CTNNA3: variants seen among roughly 807,000 people sequenced by gnomAD.
CTNNA3 encodes catenin alpha 3.
Under a neutral mutation model 95.7 loss-of-function variants are expected in CTNNA3, and 76 were observed. The ratio of observed to expected loss-of-function variants is 0.79; its 90% CI spans 0.66 to 0.96. The LOEUF (loss-of-function observed/expected upper bound fraction) is 0.96, where lower values mean the gene tolerates loss of function less well. Among genes scored for constraint, CTNNA3 ranks in the 40% least tolerant of loss-of-function variants. The pLI is 0.00. For synonymous variants in CTNNA3, 431 were observed against 374.4 expected, an observed-to-expected ratio of 1.15 and a Z score of -1.74; for missense variants, 1,191 against 1,089.8, an observed-to-expected ratio of 1.09 and a Z score of -1.31.
intron 9 of CTNNA3, among the ~76,000 whole-genome samples, chr10:66,632,491 G>A (rs886258817): frequency 1.3e-5 from 2 of 148,340 alleles, no homozygotes; most frequent in African/African-American, 5.0e-5. Context: ...GGAGGCAGAG[G>A]TTGAAGTGAG....
At chr10:67,002,971 C>T (rs1438066215) in intron 7 of CTNNA3, among the ~76,000 whole-genome samples, 1 of 151,960 alleles carries the variant, frequency 6.6e-6, no homozygotes, top group South Asian at 2.1e-4. Flanking sequence ...TTGTGGCTGC[C>T]GAATAAAATA....
At chr10:67,548,789 A>G (rs187333849) in intron 3 of CTNNA3, among the ~76,000 whole-genome samples, 245 of 151,098 alleles carry the variant, frequency 1.6e-3, no homozygotes, top group African/African-American at 5.3e-3. Context: ...TTGGACTCCA[A>G]AAAAAAAATC....
chr10:66,048,675 G>A (rs1371319521), intron 15 of CTNNA3, among the ~76,000 whole-genome samples: 3 of 152,044 alleles, frequency 2.0e-5, no homozygotes, highest in African/African-American at 7.2e-5. Context: ...GCAGGAGAAT[G>A]GCATGAACCT....
intron 9 of CTNNA3, among the ~76,000 whole-genome samples, chr10:66,657,193 C>A (rs1846100102): frequency 6.6e-6 from 1 of 152,072 alleles, no homozygotes; most frequent in Admixed American, 6.5e-5. Context: ...TTTTATTTGA[C>A]ATTGTAATCT....
chr10:67,403,804 C>A (rs1260690525), intron 5 of CTNNA3, among the ~76,000 whole-genome samples: 1 of 152,206 alleles, frequency 6.6e-6, no homozygotes, highest in Admixed American at 6.5e-5. Flanking sequence ...CCTATGGGTG[C>A]ATTCAGGCTG....
At chr10:67,297,888 G>A (rs969537488) in intron 5 of CTNNA3, among the ~76,000 whole-genome samples, 4 of 152,220 alleles carry the variant, frequency 2.6e-5, no homozygotes, top group Non-Finnish European at 4.4e-5. Flanking sequence ...GAAAATAGTT[G>A]TTGGCAGATA....
intron 9 of CTNNA3, among the ~76,000 whole-genome samples, chr10:66,640,811 A>T (rs2394261): frequency 0.67 from 101,171 of 151,866 alleles, 34,670 homozygotes; most frequent in East Asian, 0.95. Context: ...TCTCCTCCCA[A>T]CTGGGATGCA....
chr10:66,862,677 T>C (rs1034998057), intron 7 of CTNNA3, among the ~76,000 whole-genome samples: 5 of 152,164 alleles, frequency 3.3e-5, no homozygotes, highest in African/African-American at 9.7e-5. Context: ...AGGACAGTAG[T>C]AAAAGATGAA....
chr10:66,005,666 A>G (rs898112220), intron 15 of CTNNA3, among the ~76,000 whole-genome samples: 1 of 152,118 alleles, frequency 6.6e-6, no homozygotes, highest in Non-Finnish European at 1.5e-5. Context: ...TCCTGGTGTT[A>G]CACATTATAT....
intron 15 of CTNNA3, among the ~76,000 whole-genome samples, chr10:66,068,202 A>G (rs964931565): frequency 6.6e-6 from 1 of 152,064 alleles, no homozygotes; most frequent in African/African-American, 2.4e-5. Context: ...CATAACTTTT[A>G]TAAGGAGAAA....
At chr10:67,134,344 T>C (rs891268876) in intron 7 of CTNNA3, among the ~76,000 whole-genome samples, 3 of 152,078 alleles carry the variant, frequency 2.0e-5, no homozygotes, top group Non-Finnish European at 2.9e-5. Context: ...GACTGATAAA[T>C]GGAGTATCCC....
At chr10:67,478,040 G>T (rs967730870) in intron 5 of CTNNA3, among the ~76,000 whole-genome samples, 55 of 152,168 alleles carry the variant, frequency 3.6e-4, no homozygotes, top group Admixed American at 9.8e-4. Context: ...TCAAAATACA[G>T]TTGAAAGCTT....
intron 1 of CTNNA3, among the ~76,000 whole-genome samples, chr10:67,673,715 T>C (rs1840484507): frequency 6.7e-6 from 1 of 149,056 alleles, no homozygotes; most frequent in Non-Finnish European, 1.5e-5. Context: ...TGAAGCCCAC[T>C]TGATCAAACT....
intron 12 of CTNNA3, among the ~76,000 whole-genome samples, chr10:66,348,377 G>A (rs2092541035): frequency 6.6e-6 from 1 of 152,064 alleles, no homozygotes; most frequent in African/African-American, 2.4e-5. Flanking sequence ...TAATCCCACT[G>A]AGACTCCATT....
At chr10:67,458,843 T>C (rs1202055072) in intron 5 of CTNNA3, among the ~76,000 whole-genome samples, 5 of 152,124 alleles carry the variant, frequency 3.3e-5, no homozygotes, top group Non-Finnish European at 7.4e-5. Flanking sequence ...TCGCTTAACA[T>C]GTGGGGATTA....
intron 1 of CTNNA3, among the ~76,000 whole-genome samples, chr10:67,688,900 GCAGCATCAGAAACA>G (rs1483864361): frequency 1.1e-4 from 16 of 152,234 alleles, no homozygotes; most frequent in African/African-American, 3.9e-4. Context: ...GCTCACCGAC[GCAGCATCAGAAACA>G]CTAGTTTTCC....
At chr10:67,611,798 T>C (rs1015499790) in intron 2 of CTNNA3, among the ~76,000 whole-genome samples, 8 of 152,216 alleles carry the variant, frequency 5.3e-5, no homozygotes, top group African/African-American at 1.9e-4. Context: ...CTTCCTCCAA[T>C]AGCTCACAGG....
At chr10:66,543,524 T>C (rs1381219357) in intron 10 of CTNNA3, among the ~76,000 whole-genome samples, 1 of 152,172 alleles carries the variant, frequency 6.6e-6, no homozygotes. Context: ...ATACATTTTA[T>C]AGAGACAACT....
intron 13 of CTNNA3, among the ~76,000 whole-genome samples, chr10:66,224,773 T>C (rs10996987): frequency 0.33 from 49,896 of 152,014 alleles, 8,979 homozygotes; most frequent in East Asian, 0.43. Context: ...ATAACTTATA[T>C]AGCAATTAAA....
Sources: allele counts gnomAD v4.1 joint callset (sites outside exome capture counted in the v4.1 genomes callset), GRCh38; gene constraint gnomAD v4.1.1; transcripts MANE v1.5; gene names NCBI Gene and HGNC (gene_info 2026-07-23, HGNC 2026-07-21).